The following PCYT1B variants were observed in gnomAD, a reference collection of about 807,000 sequenced individuals.
The protein encoded by PCYT1B is phosphate cytidylyltransferase 1B, choline.
PCYT1B carries 10 observed loss-of-function variants against 26.4 expected under a neutral mutation model. The observed-to-expected ratio is 0.38, with a 90% CI of 0.23 to 0.64. The LOEUF (loss-of-function observed/expected upper bound fraction) is 0.64, where lower values mean the gene tolerates loss of function less well. Among genes scored for constraint, PCYT1B ranks in the 30% least tolerant of loss-of-function variants. The probability of loss-of-function intolerance (pLI) is 0.56; values close to 1 mark genes in which losing one functional copy is unlikely to be tolerated. For missense variants in PCYT1B, 161 were observed against 292.7 expected, an observed-to-expected ratio of 0.55 and a Z score of 3.28; for synonymous variants, 131 against 108.4, an observed-to-expected ratio of 1.21 and a Z score of -1.29.
intron 6 of PCYT1B, 148 bp downstream of exon 6, chrX:24,579,167 GT>G (rs1602155821): frequency 6.6e-6 from 3 of 456,876 alleles, no homozygotes; most frequent in African/African-American, 2.8e-5. Context: ...ATTATACACA[GT>G]GAGACCCCAT....
chrX:24,651,475 ATATATATATATATATAT>A (rs1926777412), upstream of PCYT1B, among the ~76,000 whole-genome samples: 58 of 30,633 alleles, frequency 1.9e-3, 3 homozygotes, highest in Admixed American at 2.3e-3. Context: ...AAAAAAAAAT[ATATATATATATATATAT>A]ATATATATAT....
At chrX:24,593,157 G>A (rs1344956143) in intron 3 of PCYT1B, among the ~76,000 whole-genome samples, 3 of 111,344 alleles carry the variant, frequency 2.7e-5, no homozygotes, top group Non-Finnish European at 5.7e-5. Context: ...TAAATTCCCC[G>A]AGGGCAGGGA....
chrX:24,575,057 T>C, intron 7 of PCYT1B, 73 bp downstream of exon 7: 1 of 891,600 alleles, frequency 1.1e-6, no homozygotes, highest in African/African-American at 2.0e-5. Flanking sequence ...GGGGCACCCT[T>C]GAGTGGCTCC....
intron 7 of PCYT1B, among the ~76,000 whole-genome samples, chrX:24,567,934 G>A (rs1477462748): frequency 2.7e-5 from 3 of 111,625 alleles, no homozygotes; most frequent in Non-Finnish European, 3.8e-5. Flanking sequence ...GGGCAACAGA[G>A]CGAGACTCCA....
rs745896009 is a variant in PCYT1B, at chrX:24,609,209, C to T, written c.218-1348G>A. Among the ~76,000 whole-genome samples the T allele has an allele frequency of 1.1e-4, 12 of 109,500 alleles. No individual in the cohort carries two copies. The South Asian group carries it at 4.7e-3, about 43-fold the overall frequency. ...TTTTTGAGACAGAGTCTTGCTCTGT[C>T]GCCCAGGCTGGAGTGCAGTGGCGCA... On this transcript the variant is annotated intron_variant, in intron 2 of 7. Coordinates refer to ENST00000379144, the MANE Select transcript of PCYT1B (RefSeq NM_004845.5).
intron 1 of PCYT1B, among the ~76,000 whole-genome samples, chrX:24,642,642 C>A (rs757179964): frequency 1.8e-5 from 2 of 111,912 alleles, no homozygotes; most frequent in East Asian, 5.6e-4. Flanking sequence ...GGATAGAGAC[C>A]AGCAGGAAGA....
chrX:24,667,242 T>A (rs988340639), intron 1 of PCYT1B, among the ~76,000 whole-genome samples: 5 of 110,694 alleles, frequency 4.5e-5, no homozygotes, highest in African/African-American at 1.6e-4. Flanking sequence ...TGATTATACA[T>A]CCACTAGGTG....
At chrX:24,564,378 T>G (rs1233773023) in intron 7 of PCYT1B, among the ~76,000 whole-genome samples, 2 of 32,435 alleles carry the variant, frequency 6.2e-5, no homozygotes, top group Non-Finnish European at 1.9e-4. Context: ...TTGTTTTTTG[T>G]TTTTTTTTGA....
chrX:24,672,113 G>A (rs928110027), intron 1 of PCYT1B, among the ~76,000 whole-genome samples: 26 of 112,182 alleles, frequency 2.3e-4, no homozygotes, highest in African/African-American at 8.4e-4. Context: ...AGTGAGCCGA[G>A]ATCGTGCCAT....
intron 1 of PCYT1B, among the ~76,000 whole-genome samples, chrX:24,624,191 G>A (rs371452336): frequency 1.6e-4 from 18 of 110,126 alleles, no homozygotes; most frequent in Admixed American, 1.2e-3. Context: ...GGATGGTCTT[G>A]ATCTCCTGAC....
chrX:24,656,490 T>C (rs1488351883), intron 1 of PCYT1B, among the ~76,000 whole-genome samples: 6 of 107,963 alleles, frequency 5.6e-5, no homozygotes, highest in Non-Finnish European at 1.1e-4. Context: ...AAATATATAT[T>C]TGCAATTGGT....
chrX:24,623,852 G>A (rs997765756), intron 1 of PCYT1B, among the ~76,000 whole-genome samples: 1 of 111,117 alleles, frequency 9.0e-6, no homozygotes, highest in South Asian at 3.8e-4. Context: ...AATGTACATC[G>A]CTGACTGACA....
chrX:24,564,665 T>C (rs916057073), intron 7 of PCYT1B, among the ~76,000 whole-genome samples: 2 of 111,268 alleles, frequency 1.8e-5, no homozygotes, highest in Admixed American at 9.5e-5. Context: ...TCTGTGAGTT[T>C]TGACAATGCA....
chrX:24,661,617 G>T (rs1927031294), intron 1 of PCYT1B, among the ~76,000 whole-genome samples: 1 of 111,783 alleles, frequency 8.9e-6, no homozygotes. Context: ...TAACACCACA[G>T]GGATGCAATC....
At chrX:24,648,140 T>C (rs977514562), upstream of PCYT1B, among the ~76,000 whole-genome samples, 1 of 112,017 alleles carries the variant, frequency 8.9e-6, no homozygotes, top group Admixed American at 9.5e-5. Context: ...CAATCAGAGA[T>C]GGAATGTTAA....
intron 3 of PCYT1B, among the ~76,000 whole-genome samples, chrX:24,596,130 T>C (rs1462327266): frequency 1.8e-5 from 2 of 112,067 alleles, no homozygotes; most frequent in African/African-American, 6.5e-5. Flanking sequence ...CTAGTATAAA[T>C]TTTAATTCCT....
chrX:24,669,693 A>G (rs893394156), intron 1 of PCYT1B, among the ~76,000 whole-genome samples: 14 of 109,897 alleles, frequency 1.3e-4, no homozygotes, highest in African/African-American at 4.6e-4. Context: ...TTCCAGCTCT[A>G]TCCTTGCTAT....
intron 2 of PCYT1B, among the ~76,000 whole-genome samples, chrX:24,617,371 G>T (rs866345148): frequency 1.2e-3 from 93 of 80,237 alleles, no homozygotes; most frequent in Non-Finnish European, 1.4e-3. Context: ...TGGTTTGTTT[G>T]TTTTTTTTTT....
rs184042608 is a variant in PCYT1B at position 24,592,024 on chromosome X, G to A, written c.335-1850C>T. On this transcript the variant is annotated intron_variant, in intron 3 of 7. Coordinates refer to ENST00000379144, the MANE Select transcript of PCYT1B (RefSeq NM_004845.5). Reference sequence around the variant, plus strand: ...TCCTCCTAACTGTAACTTGGTACTCGTTGATGAACTTCTCCCTGTCCCCCG... The same window carrying A: ...TCCTCCTAACTGTAACTTGGTACTCATTGATGAACTTCTCCCTGTCCCCCG... Among the ~76,000 whole-genome samples, 348 of 111,177 alleles carry A rather than the reference G, an allele frequency of 3.1e-3. 2 individuals carry two copies. The highest frequency in any genetic ancestry group is 9.3e-3 in the Middle Eastern group (2 of 215).
Sources: gnomAD v4.1 joint callset for allele counts (sites outside exome capture counted in the v4.1 genomes callset) on GRCh38, gnomAD v4.1.1 for gene constraint, MANE v1.5 for transcripts, NCBI Gene and HGNC (gene_info 2026-07-23, HGNC 2026-07-21) for gene names.